The following GLIS2 variants were observed in gnomAD, a reference collection of about 807,000 sequenced individuals.
The protein encoded by GLIS2 is GLIS family zinc finger 2, also known as zinc finger protein GLIS2.
A neutral mutation model predicts 35.6 loss-of-function variants in GLIS2; 14 were observed. The observed-to-expected ratio is 0.39, with a 90% CI of 0.26 to 0.61. The LOEUF is 0.61. GLIS2 is among the 20% of genes least tolerant of loss of function. The probability of loss-of-function intolerance (pLI) is 0.48; values close to 1 mark genes in which losing one functional copy is unlikely to be tolerated. For missense variants in GLIS2, 675 were observed against 713.4 expected, an observed-to-expected ratio of 0.95 and a Z score of 0.61; for synonymous variants, 368 against 325.1, an observed-to-expected ratio of 1.13 and a Z score of -1.42.
intron 6 of GLIS2, chr16:4,336,383 G>A: frequency 2.0e-6 from 1 of 489,160 alleles, no homozygotes; most frequent in East Asian, 3.8e-5. Flanking sequence ...CTGGCCTCAA[G>A]TGATCTGCCT....
chr16:4,325,185 C>T (rs1458407668), intron 1 of GLIS2: 1 of 152,304 alleles, frequency 6.6e-6, no homozygotes, highest in East Asian at 1.9e-4. Context: ...CTCCTAGCCC[C>T]ACAAGTCCCT....
rs77505050 is a variant in GLIS2, at chr16:4,324,509, C to T, written c.-66-7706C>T. Among the ~76,000 whole-genome samples, 282 of 152,242 alleles carry T rather than the reference C, an allele frequency of 1.9e-3. 2 individuals are homozygous for T. The highest frequency in any genetic ancestry group is 5.5e-3 in the African/African-American group (227 of 41,552). On this transcript the variant is annotated intron_variant, in intron 1 of 6. Transcript: ENST00000433375. ...GGGGCATAGGCTTGTTTAGGGTGCA[C>T]GCTGGCTGGCAGGTGGCAGAGCCCA...
chr16:4,337,680 C>A lies in GLIS2; in HGVS notation c.*156C>A. 1 of 1,122,312 alleles carries A rather than the reference C, an allele frequency of 8.9e-7. No individual in the cohort carries two copies. The highest frequency in any genetic ancestry group is 1.4e-5 in the South Asian group (1 of 71,346). 69.5% of individuals were successfully genotyped at this position (1,122,312 alleles called of 1,614,324 possible). ...AAGGATGGTGCTAGGTCATTCATGG[C>A]TGGCCTCCCAGCCCCCGGGTGGGGA... On this transcript the variant is annotated 3_prime_UTR_variant, in exon 7 of 7. Coordinates refer to ENST00000433375, the MANE Select transcript of GLIS2 (RefSeq NM_032575.3).
chr16:4,317,840 C>T (rs2053331287), intron 1 of GLIS2, among the ~76,000 whole-genome samples: 1 of 152,108 alleles, frequency 6.6e-6, no homozygotes, highest in Non-Finnish European at 1.5e-5. Context: ...TGGAAGCAAC[C>T]CTGTTTTTCT....
chr16:4,326,702 A>G (rs929471326), intron 1 of GLIS2, among the ~76,000 whole-genome samples: 45 of 141,942 alleles, frequency 3.2e-4, no homozygotes, highest in Middle Eastern at 3.6e-3. Flanking sequence ...CGATCCTCCC[A>G]CCTCAGCCTC....
intron 1 of GLIS2, among the ~76,000 whole-genome samples, chr16:4,327,349 C>T (rs2053442503): frequency 6.6e-6 from 1 of 152,240 alleles, no homozygotes; most frequent in African/African-American, 2.4e-5. Context: ...ACAGATGGGC[C>T]TGACACGTGG....
intron 1 of GLIS2, among the ~76,000 whole-genome samples, chr16:4,324,292 G>C (rs753111471): frequency 1.3e-5 from 2 of 152,066 alleles, no homozygotes; most frequent in Non-Finnish European, 2.9e-5. Flanking sequence ...GGATCTGCTG[G>C]GCCAGGCCTC....
intron 1 of GLIS2, among the ~76,000 whole-genome samples, chr16:4,330,554 G>T (rs1407732729): frequency 6.6e-6 from 1 of 152,142 alleles, no homozygotes; most frequent in Non-Finnish European, 1.5e-5. Flanking sequence ...GGGCGGTGGG[G>T]CCCCTGGCTG....
chr16:4,335,080 C>T lies in GLIS2; in HGVS notation c.543C>T (p.Leu181=). The change falls in exon 5 of 7, where the codon CTC becomes CTT. Residue 181 remains leucine, a synonymous_variant. Transcript: ENST00000433375. This position sits in a 1 kb window ranked among gnomAD's most constrained non-coding sequence, Gnocchi z 4.6. ...RWAKCNQLFE[L]LQDLVDHVND... ...CGCAGTGTAACCAGCTCTTTGAGCT[C>T]CTGCAAGACCTGGTGGACCATGTCA... 1.2e-6 allele frequency: 2 copies of T among 1,613,502 alleles called. No homozygotes were observed. Among genetic ancestry groups the T allele is most frequent in the Non-Finnish European group, 1.7e-6 (2 of 1,180,038 alleles).
chr16:4,332,081 G>A lies in GLIS2; in HGVS notation c.-66-134G>A, dbSNP rs1230492830. On this transcript the variant is annotated intron_variant, in intron 1 of 6. Transcript: ENST00000433375. This position sits in a 1 kb window ranked among gnomAD's most constrained non-coding sequence, Gnocchi z 5.4. Reference sequence around the variant, plus strand: ...CCCCATGATAGCTGCCGGCCAGGTCGCTCGGAGGGTCTCCCTACCCAGGAG... The same window carrying A: ...CCCCATGATAGCTGCCGGCCAGGTCACTCGGAGGGTCTCCCTACCCAGGAG... 24 of 686,242 alleles carry A rather than the reference G, an allele frequency of 3.5e-5. No individual in the cohort carries two copies. The highest frequency in any genetic ancestry group is 4.4e-5 in the Non-Finnish European group (17 of 389,672). 42.5% of individuals were successfully genotyped at this position (686,242 alleles called of 1,614,324 possible).
At chr16:4,333,305 A>G in intron 2 of GLIS2, 42 bp from the exon 3 acceptor site, 1 of 1,609,148 alleles carries the variant, frequency 6.2e-7, no homozygotes, top group Non-Finnish European at 8.5e-7. Context: ...GCCCACTGGG[A>G]CTCTACACTC....
At position 4,333,409 on chromosome 16, in the gene GLIS2, G is replaced by A. The variant is rs781432937; in HGVS notation, c.235G>A (p.Val79Met). 15 of 1,612,958 alleles carry A rather than the reference G, an allele frequency of 9.3e-6. No individual in the cohort carries two copies. Among genetic ancestry groups the A allele is most frequent in the South Asian group, 8.8e-5 (8 of 91,078 alleles). ...VEGRFSAAPL[V>M]DLSLSPPSGL... ...GGGACGCTTTTCAGCAGCCCCTCTC[G>A]TGGACCTCAGCCTGTCACCACCATC... is the stretch of plus-strand genomic sequence containing the variant. The change falls in exon 3 of 7, where the codon GTG (valine) becomes ATG (methionine). Residue 79 changes from valine to methionine, a missense_variant. Transcript: ENST00000433375.
chr16:4,316,907 G>A (rs1474473303), intron 1 of GLIS2, among the ~76,000 whole-genome samples: 1 of 152,180 alleles, frequency 6.6e-6, no homozygotes, highest in Non-Finnish European at 1.5e-5. Flanking sequence ...TCGCCGGAGG[G>A]CGGGTCTGGA....
At position 4,336,813 on chromosome 16, in the gene GLIS2, T is replaced by C. The variant is rs669561; in HGVS notation, c.864T>C (p.Tyr288=). ...GCTTTAAGCACACGCGCACCCACTA[T>C]GTGGACAAGCCCTACTACTGCAAGA... is the stretch of plus-strand genomic sequence containing the variant. ...SDRFKHTRTH[Y]VDKPYYCKMP... The change falls in exon 7 of 7, where the codon TAT becomes TAC. Residue 288 remains tyrosine, a synonymous_variant. Coordinates refer to ENST00000433375, the MANE Select transcript of GLIS2 (RefSeq NM_032575.3). 1,568,422 of 1,613,022 alleles carry C rather than the reference T, an allele frequency of 0.97. 762,627 individuals carry two copies. Among genetic ancestry groups the C allele is most frequent in the East Asian group, 1 (44,871 of 44,876 alleles).
chr16:4,330,578 G>A lies in GLIS2; in HGVS notation c.-66-1637G>A, dbSNP rs143813401. 2.1e-3 allele frequency among the ~76,000 whole-genome samples: 324 copies of A among 152,306 alleles called. 1 individual carries two copies. The highest frequency in any genetic ancestry group is 7.0e-3 in the African/African-American group (290 of 41,576). On this transcript the variant is annotated intron_variant, in intron 1 of 6. Transcript: ENST00000433375. ...GGCCCCTGGCTGTGCCCACTTTCTC[G>A]GTTTGCCTGGTGCGAGTTCCTTGGT...
rs2053370630 is a variant in GLIS2, at chr16:4,320,808, C to G, written c.-67+4554C>G. On this transcript the variant is annotated intron_variant, in intron 1 of 6. Transcript: ENST00000433375. The surrounding 1 kb of genome is among the most constrained non-coding windows in gnomAD (Gnocchi z 5.6). The stretch of plus-strand genomic sequence containing the variant: ...GGCTGTAGGGGCCTCCATTGTCCTC[C>G]CTATTCTGAAGTCCCCCCAACCCTG... 6.6e-6 allele frequency among the ~76,000 whole-genome samples: 1 copy of G among 152,082 alleles called. No homozygotes were observed. The highest frequency in any genetic ancestry group is 2.1e-4 in the South Asian group (1 of 4,826).
chr16:4,319,843 G>A (rs1054777992), intron 1 of GLIS2, among the ~76,000 whole-genome samples: 1 of 152,116 alleles, frequency 6.6e-6, no homozygotes, highest in African/African-American at 2.4e-5. Context: ...AGGCTGGGCA[G>A]GCACGGAGGC....
chr16:4,325,589 C>T (rs1410956172), intron 1 of GLIS2, among the ~76,000 whole-genome samples: 2 of 152,122 alleles, frequency 1.3e-5, no homozygotes, highest in African/African-American at 4.8e-5. Flanking sequence ...GTTTCTCTGA[C>T]TGGTTCAGGA....
chr16:4,329,926 G>A (rs2053480259), intron 1 of GLIS2, among the ~76,000 whole-genome samples: 1 of 152,224 alleles, frequency 6.6e-6, no homozygotes, highest in Admixed American at 6.5e-5. Flanking sequence ...GGTTTAGAAT[G>A]AAGTGTTGAC....
Sources: allele counts gnomAD v4.1 joint callset (sites outside exome capture counted in the v4.1 genomes callset), GRCh38; gene constraint gnomAD v4.1.1; non-coding constraint Gnocchi (gnomAD v3.1); transcripts MANE v1.5; gene names NCBI Gene and HGNC (gene_info 2026-07-23, HGNC 2026-07-21).